SMAD2: variants seen among roughly 807,000 people sequenced by gnomAD.
SMAD2 encodes MAD homolog 2.
Under a neutral mutation model 64.4 loss-of-function variants are expected in SMAD2, and 8 were observed. The ratio of observed to expected loss-of-function variants is 0.12; its 90% CI spans 0.07 to 0.22. The LOEUF is 0.22. SMAD2 is among the 10% of genes least tolerant of loss of function. The probability of loss-of-function intolerance (pLI) is 1.00; values close to 1 mark genes in which losing one functional copy is unlikely to be tolerated. For missense variants in SMAD2, 289 were observed against 561.2 expected (o/e 0.51, Z 4.90); for synonymous variants, 203 against 195.8 (o/e 1.04, Z -0.31).
chr18:47,905,309 C>CTGAACA (rs1213431780), intron 1 of SMAD2, among the ~76,000 whole-genome samples: 3 of 152,074 alleles, frequency 2.0e-5, no homozygotes, highest in Non-Finnish European at 2.9e-5. Flanking sequence ...ATGAAAAACA[C>CTGAACA]TGAACAAAGA....
At chr18:47,910,166 A>G (rs2034068512) in intron 1 of SMAD2, among the ~76,000 whole-genome samples, 1 of 116,468 alleles carries the variant, frequency 8.6e-6, no homozygotes, top group African/African-American at 3.3e-5. Context: ...GAGATTGTGG[A>G]TATGGAAAAA....
In SMAD2 at chr18:47,853,478, C is replaced by T. The variant is rs186314354; in HGVS notation, c.731-2151G>A. The T allele has an allele frequency of 2.2e-4, 44 of 201,160 alleles. 4 individuals carry two copies. The highest frequency in any genetic ancestry group is 3.7e-4 in the Non-Finnish European group (39 of 104,048). 12.5% of individuals were successfully genotyped at this position (201,160 alleles called of 1,614,324 possible). ...GGCGGAGGTTGCAGTGAGCTGAGGG[C>T]ATCCCACTGCACTCCAGCCTGGGCG... is the stretch of plus-strand genomic sequence containing the variant. On this transcript the variant is annotated intron_variant, in intron 6 of 10. Coordinates refer to ENST00000262160, the MANE Select transcript of SMAD2 (RefSeq NM_005901.6).
At chr18:47,868,515 C>CT in intron 4 of SMAD2, 58 bp from the exon 5 acceptor site, 7 of 1,479,852 alleles carry the variant, frequency 4.7e-6, no homozygotes, top group Non-Finnish European at 6.6e-6. Context: ...GTGGGGGAAC[C>CT]TTTTTTAAAG....
chr18:47,860,128 T>C (rs903215478), intron 6 of SMAD2, among the ~76,000 whole-genome samples: 1 of 152,100 alleles, frequency 6.6e-6, no homozygotes, highest in Non-Finnish European at 1.5e-5. Context: ...AGTGAGATCC[T>C]GTCTCAATTA....
intron 8 of SMAD2, among the ~76,000 whole-genome samples, chr18:47,847,748 G>T (rs1914665413): frequency 6.8e-6 from 1 of 146,992 alleles, no homozygotes; most frequent in Non-Finnish European, 1.5e-5. Context: ...CAACATTCAT[G>T]TCTAGTGTAA....
chr18:47,915,501 G>C (rs989881095), intron 1 of SMAD2, among the ~76,000 whole-genome samples: 2 of 151,970 alleles, frequency 1.3e-5, no homozygotes, highest in Non-Finnish European at 2.9e-5. Flanking sequence ...GAATAGGCTG[G>C]TATATATCAT....
chr18:47,813,497 C>T lies in SMAD2; in HGVS notation c.*28330G>A, dbSNP rs1221836802. On this transcript the variant is annotated 3_prime_UTR_variant, in exon 11 of 11. Coordinates refer to ENST00000262160, the MANE Select transcript of SMAD2 (RefSeq NM_005901.6). ...TCTCGGCTCACTGCAACCTCTGCCT[C>T]CCGGGTTCATGCGATTCTCCTGCCT... 6.6e-6 allele frequency: 1 copy of T among 151,142 alleles called. No homozygotes were observed. The highest frequency in any genetic ancestry group is 1.5e-5 in the Non-Finnish European group (1 of 67,962). 9.4% of individuals were successfully genotyped at this position (151,142 alleles called of 1,614,324 possible).
chr18:47,882,587 T>C (rs1042608937), intron 2 of SMAD2: 1 of 152,238 alleles, frequency 6.6e-6, no homozygotes, highest in African/African-American at 2.4e-5. Context: ...GTTAGTGATA[T>C]ATTAATCTTT....
rs1212574937 is a variant in SMAD2 at position 47,817,931 on chromosome 18, T to C, written c.*23896A>G. ...CAGAATTTTCTTTGCTCTTAAGAGA[T>C]TGAGAAGAAACAAAATGGAAATTCT... On this transcript the variant is annotated 3_prime_UTR_variant, in exon 11 of 11. Coordinates refer to ENST00000262160, the MANE Select transcript of SMAD2 (RefSeq NM_005901.6). 1.3e-5 allele frequency: 2 copies of C among 152,238 alleles called. No individual in the cohort carries two copies. The highest frequency in any genetic ancestry group is 2.1e-4 in the South Asian group (1 of 4,834). The allele number at this position is 152,238 out of a possible 1,614,324, so 9.4% of individuals were successfully genotyped here.
chr18:47,873,363 TAC>T (rs1458424749), intron 2 of SMAD2, among the ~76,000 whole-genome samples: 1 of 152,182 alleles, frequency 6.6e-6, no homozygotes, highest in Non-Finnish European at 1.5e-5. Flanking sequence ...CACAGGAAGA[TAC>T]CATCATAGAG....
chr18:47,876,292 G>C (rs1297470702), intron 2 of SMAD2, among the ~76,000 whole-genome samples: 1 of 151,916 alleles, frequency 6.6e-6, no homozygotes, highest in Non-Finnish European at 1.5e-5. Context: ...AATTCTGCCT[G>C]AACAAATTTG....
chr18:47,817,229 C>G lies in SMAD2; in HGVS notation c.*24598G>C, dbSNP rs1446448264. 1 of 152,182 alleles carries G rather than the reference C, an allele frequency of 6.6e-6. No homozygotes were observed. The highest frequency in any genetic ancestry group is 1.5e-5 in the Non-Finnish European group (1 of 68,036). 9.4% of individuals were successfully genotyped at this position (152,182 alleles called of 1,614,324 possible). Reference sequence around the variant, plus strand: ...TCAGTATGCAGTACTCACAGGAGCCCTTTGGGCTCTCCGCTTACATAGCTT... The same window carrying G: ...TCAGTATGCAGTACTCACAGGAGCCGTTTGGGCTCTCCGCTTACATAGCTT... On this transcript the variant is annotated 3_prime_UTR_variant, in exon 11 of 11. Transcript: ENST00000262160.
chr18:47,842,369 G>A lies in SMAD2; in HGVS notation c.1281-419C>T, dbSNP rs529890517. 7.2e-5 allele frequency among the ~76,000 whole-genome samples: 11 copies of A among 152,078 alleles called. No homozygotes were observed. In the East Asian group the frequency reaches 7.7e-4, roughly 11 times the overall value. On this transcript the variant is annotated intron_variant, in intron 10 of 10. Transcript: ENST00000262160. ...ATCCTGGCCAACATGGTGAAACCCC[G>A]TCTCTACTAAAAATATAAAAATTAG...
At position 47,812,559 on chromosome 18, in the gene SMAD2, A is replaced by C. The variant is rs1026947274; in HGVS notation, c.*29268T>G. On this transcript the variant is annotated 3_prime_UTR_variant, in exon 11 of 11. Coordinates refer to ENST00000262160, the MANE Select transcript of SMAD2 (RefSeq NM_005901.6). ...AAACTACCATTTATAAAACCATCAG[A>C]TCCTGTGAGAATTCACTATCATGAG... is the stretch of plus-strand genomic sequence containing the variant. 1 of 152,104 alleles carries C rather than the reference A, an allele frequency of 6.6e-6. No homozygotes were observed. The highest frequency in any genetic ancestry group is 1.5e-5 in the Non-Finnish European group (1 of 68,028). The allele number at this position is 152,104 out of a possible 1,614,324, so 9.4% of individuals were successfully genotyped here.
chr18:47,882,041 C>CTTTTTTGTTTTTTTTT (rs2032625805), intron 2 of SMAD2, among the ~76,000 whole-genome samples: 1 of 38,850 alleles, frequency 2.6e-5, no homozygotes, highest in East Asian at 8.5e-4. Flanking sequence ...CCACGCTTGG[C>CTTTTTTGTTTTTTTTT]TTTTTTTTTT....
intron 6 of SMAD2, among the ~76,000 whole-genome samples, chr18:47,864,560 C>T (rs1279920123): frequency 6.6e-6 from 1 of 152,078 alleles, no homozygotes; most frequent in Non-Finnish European, 1.5e-5. Context: ...TGATTTAAAG[C>T]TTTAATTTTT....
chr18:47,869,471 C>CA, intron 3 of SMAD2, 35 bp from the exon 4 acceptor site: 1 of 955,090 alleles, frequency 1.0e-6, no homozygotes, highest in Non-Finnish European at 1.5e-6. Context: ...AAGGAGGGAA[C>CA]TTTAAAAAAA....
chr18:47,850,239 T>G (rs8090048), intron 7 of SMAD2, among the ~76,000 whole-genome samples: 5 of 62,564 alleles, frequency 8.0e-5, no homozygotes, highest in African/African-American at 3.4e-4. Context: ...ATATTATATA[T>G]TATATATTAT....
intron 7 of SMAD2, among the ~76,000 whole-genome samples, chr18:47,849,694 C>T (rs1466117575): frequency 6.6e-6 from 1 of 152,006 alleles, no homozygotes; most frequent in Admixed American, 6.6e-5. Context: ...AAATGCTATA[C>T]AAATATTTGT....
Sources: allele counts gnomAD v4.1 joint callset (sites outside exome capture counted in the v4.1 genomes callset), GRCh38; gene constraint gnomAD v4.1.1; transcripts MANE v1.5; gene names NCBI Gene and HGNC (gene_info 2026-07-23, HGNC 2026-07-21).